The following LEMD1 variants were observed in gnomAD, a reference collection of about 807,000 sequenced individuals.
LEMD1 encodes the protein LEM domain containing 1, also known as LEM domain-containing protein 1.
A neutral mutation model predicts 17.4 loss-of-function variants in LEMD1; 18 were observed. That is an observed-to-expected ratio of 1.04 (90% confidence interval 0.72 to 1.54). The LOEUF (loss-of-function observed/expected upper bound fraction) is 1.54. Ranked by LOEUF, LEMD1 falls within the 40% of genes most tolerant of loss-of-function variation. LEMD1 has a pLI of 0.00. For synonymous variants in LEMD1, 88 were observed against 77.8 expected (o/e 1.13, Z -0.69); for missense variants, 195 against 210.4 (o/e 0.93, Z 0.45).
At chr1:205,447,465 G>C (rs1242869137) in intron 1 of LEMD1, among the ~76,000 whole-genome samples, 1 of 152,058 alleles carries the variant, frequency 6.6e-6, no homozygotes, top group African/African-American at 2.4e-5. Context: ...AGACAGACTG[G>C]GGACTGGAAC....
At chr1:205,403,337 C>G (rs1406630645) in intron 4 of LEMD1, among the ~76,000 whole-genome samples, 1 of 151,914 alleles carries the variant, frequency 6.6e-6, no homozygotes, top group African/African-American at 2.4e-5. Flanking sequence ...GTCCTGGACT[C>G]TTTTTGGTTG....
chr1:205,409,460 A>T (rs56275829), intron 4 of LEMD1, among the ~76,000 whole-genome samples: 9,858 of 152,136 alleles, frequency 0.065, 421 homozygotes, highest in East Asian at 0.11. Context: ...GCATATTTTA[A>T]CTCAATCTTC....
At chr1:205,393,879 T>A (rs1392337822) in intron 4 of LEMD1, among the ~76,000 whole-genome samples, 23 of 145,170 alleles carry the variant, frequency 1.6e-4, no homozygotes, top group Non-Finnish European at 2.9e-4. Flanking sequence ...AAAATGGAAA[T>A]CAGGTACTCA....
At chr1:205,438,713 G>A (rs778189041) in intron 1 of LEMD1, among the ~76,000 whole-genome samples, 1 of 152,114 alleles carries the variant, frequency 6.6e-6, no homozygotes, top group Non-Finnish European at 1.5e-5. Context: ...CTTGGAGGCA[G>A]AGGACAACTG....
intron 4 of LEMD1, among the ~76,000 whole-genome samples, chr1:205,407,551 G>A (rs545667863): frequency 1.1e-4 from 16 of 152,248 alleles, no homozygotes; most frequent in Admixed American, 3.9e-4. Context: ...CCCAGAGAAA[G>A]CATGGAAACT....
chr1:205,403,036 A>T (rs1161316392), intron 4 of LEMD1, among the ~76,000 whole-genome samples: 1 of 151,796 alleles, frequency 6.6e-6, no homozygotes, highest in Non-Finnish European at 1.5e-5. Flanking sequence ...CAGCCTTGCA[A>T]CCCAGGGATG....
At chr1:205,447,821 G>A (rs1465117828) in intron 1 of LEMD1, among the ~76,000 whole-genome samples, 1 of 152,138 alleles carries the variant, frequency 6.6e-6, no homozygotes, top group East Asian at 1.9e-4. Flanking sequence ...GGCATGGAGT[G>A]TTCCCATTTC....
intron 4 of LEMD1, among the ~76,000 whole-genome samples, chr1:205,414,275 T>C (rs917558768): frequency 6.6e-6 from 1 of 152,012 alleles, no homozygotes; most frequent in African/African-American, 2.4e-5. Flanking sequence ...GATTTTGCAA[T>C]TGTTCAAATA....
intron 4 of LEMD1, among the ~76,000 whole-genome samples, chr1:205,393,094 A>G (rs1664415117): frequency 6.6e-6 from 1 of 152,158 alleles, no homozygotes; most frequent in Admixed American, 6.5e-5. Flanking sequence ...CTGGAAAAAA[A>G]ACTTGCACAT....
chr1:205,439,830 G>A (rs1472328248), intron 1 of LEMD1, among the ~76,000 whole-genome samples: 1 of 152,106 alleles, frequency 6.6e-6, no homozygotes, highest in East Asian at 1.9e-4. Flanking sequence ...AAAAGGCTAA[G>A]TTATACCAAA....
intron 4 of LEMD1, among the ~76,000 whole-genome samples, chr1:205,408,582 C>T (rs181932280): frequency 6.6e-6 from 1 of 150,734 alleles, no homozygotes; most frequent in Non-Finnish European, 1.5e-5. Context: ...CTCACTGCAG[C>T]CTCGACCTGG....
chr1:205,411,522 C>G (rs1305537698), intron 4 of LEMD1, among the ~76,000 whole-genome samples: 2 of 139,374 alleles, frequency 1.4e-5, no homozygotes, highest in East Asian at 4.4e-4. Flanking sequence ...TGCCACTGCA[C>G]TCCAGCCTAG....
At chr1:205,434,322 C>A (rs920766699) in intron 1 of LEMD1, among the ~76,000 whole-genome samples, 4 of 132,248 alleles carry the variant, frequency 3.0e-5, no homozygotes, top group Non-Finnish European at 6.5e-5. Flanking sequence ...CAGGTGAATG[C>A]TACCATGCCT....
At chr1:205,417,333 C>T (rs539872860) in intron 3 of LEMD1, among the ~76,000 whole-genome samples, 10 of 152,326 alleles carry the variant, frequency 6.6e-5, no homozygotes, top group East Asian at 1.9e-4. Flanking sequence ...CTAGCATCAA[C>T]GCACTTCTGT....
At chr1:205,391,106 G>A (rs1272653980) in intron 4 of LEMD1, among the ~76,000 whole-genome samples, 1 of 152,012 alleles carries the variant, frequency 6.6e-6, no homozygotes, top group Non-Finnish European at 1.5e-5. Flanking sequence ...AAATACCGAT[G>A]TATATATGGA....
At position 205,448,309 on chromosome 1, in the gene LEMD1, GC is replaced by G. The variant is rs776650042; in HGVS notation, c.-39+1558del. On this transcript the variant is annotated intron_variant, in intron 1 of 3. Transcript: ENST00000367154. The surrounding 1 kb of genome is among the most constrained non-coding windows in gnomAD (Gnocchi z 4.7). Reference sequence around the variant, plus strand: ...TGCAGCTGCGCAGGAGAAGGAGCTCGCCCCTCACTGTAGCCCATGGCTTTTA... The same window carrying G: ...TGCAGCTGCGCAGGAGAAGGAGCTCGCCCTCACTGTAGCCCATGGCTTTTA... The G allele has an allele frequency of 3.8e-6, 2 of 530,708 alleles. No individual in the cohort carries two copies. Among genetic ancestry groups the G allele is most frequent in the South Asian group, 2.8e-5 (2 of 71,486 alleles). The allele number at this position is 530,708 out of a possible 1,614,324, so 32.9% of individuals were successfully genotyped here. A position where few individuals can be genotyped will look rare whatever the true frequency, so the allele number is the denominator to read the frequency against.
Position 205,384,301 on chromosome 1 carries a change from A to G in LEMD1, c.334T>C (p.Ser112Pro). The G allele has an allele frequency of 6.6e-7, 1 of 1,506,986 alleles. No homozygotes were observed. Among genetic ancestry groups the G allele is most frequent in the Non-Finnish European group, 8.9e-7 (1 of 1,126,936 alleles). The allele number at this position is 1,506,986 out of a possible 1,614,324, so 93.4% of individuals were successfully genotyped here. A position where few individuals can be genotyped will look rare whatever the true frequency, so the allele number is the denominator to read the frequency against. Residue 112 changes from serine (S) to proline (P), a missense_variant, in exon 5 of 6, where the codon TCC becomes CCC. Transcript: ENST00000367153. ...VDTYCLDYKPSKGRRWAARAP... is the reference protein window; with the variant it reads ...VDTYCLDYKPPKGRRWAARAP... ...AAACATCATTACCTTCTTCCCTTGG[A>G]AGGCTTATAATCCAAGCAATAGGTA...
intron 1 of LEMD1, among the ~76,000 whole-genome samples, chr1:205,439,109 A>C (rs2102462448): frequency 6.6e-6 from 1 of 152,248 alleles, no homozygotes; most frequent in Middle Eastern, 3.4e-3. Flanking sequence ...GCCCTCCAGG[A>C]GGCTCTCTGG....
rs182187101 is a variant in LEMD1 at position 205,446,007 on chromosome 1, A to C, written c.-39+3861T>G. 5.1e-3 allele frequency among the ~76,000 whole-genome samples: 778 copies of C among 152,288 alleles called. 4 individuals are homozygous for C. The highest frequency in any genetic ancestry group is 0.013 in the Admixed American group (198 of 15,288). On this transcript the variant is annotated intron_variant, in intron 1 of 3. Transcript: ENST00000367154. The stretch of plus-strand genomic sequence containing the variant: ...AAACATGGGCCCACTCTCGCAAGGG[A>C]GGCCTTATGCTGGGTATATCTGAGG...
Sources: gnomAD v4.1 joint callset for allele counts (sites outside exome capture counted in the v4.1 genomes callset) on GRCh38, gnomAD v4.1.1 for gene constraint, Gnocchi (gnomAD v3.1) non-coding constraint, MANE v1.5 for transcripts, NCBI Gene and HGNC (gene_info 2026-07-23, HGNC 2026-07-21) for gene names.